The following PCLO variants were observed in gnomAD, a reference collection of about 807,000 sequenced individuals.
PCLO encodes piccolo presynaptic cytomatrix protein.
In PCLO, 82 loss-of-function variants were observed where a neutral mutation model predicts 427.5. The ratio of observed to expected loss-of-function variants is 0.19; its 90% CI spans 0.16 to 0.23. PCLO has a LOEUF of 0.23. Ranked by LOEUF, PCLO falls within the 10% of genes least tolerant of loss-of-function variation. The pLI is 1.00. For synonymous variants in PCLO, 2,357 were observed against 2,155.4 expected, an observed-to-expected ratio of 1.09 and a Z score of -2.59; for missense variants, 6,239 against 6,115.9, an observed-to-expected ratio of 1.02 and a Z score of -0.67.
rs5885327 is a variant in PCLO at position 82,984,408 on chromosome 7, C to CTGTGTGTGTGTGTG, written c.3301-17935_3301-17922dup. On this transcript the variant is annotated intron_variant, in intron 3 of 24. Coordinates refer to ENST00000333891, the MANE Select transcript of PCLO (RefSeq NM_033026.6). ...CCTTAGTTTATTTCAAATGTGGTGT[C>CTGTGTGTGTGTGTG]TGTGTGTGTGTGTGTGTGTGTGTGT... 2.3e-3 allele frequency among the ~76,000 whole-genome samples: 318 copies of CTGTGTGTGTGTGTG among 135,932 alleles called. 2 individuals are homozygous for CTGTGTGTGTGTGTG. The highest frequency in any genetic ancestry group is 8.2e-3 in the African/African-American group (293 of 35,890). The allele number at this position is 135,932 out of a possible 152,430, so 89.2% of individuals were successfully genotyped here. A position where few individuals can be genotyped will look rare whatever the true frequency, so the allele number is the denominator to read the frequency against.
rs10954705 is a variant in PCLO, at chr7:83,099,393, T to G, written c.3300+34857A>C. The stretch of plus-strand genomic sequence containing the variant: ...TTTAACATACAGTAGATTTTTTTGT[T>G]TTTTTTTTTTTTGAGACAGAGTTTT... On this transcript the variant is annotated intron_variant, in intron 3 of 24. Transcript: ENST00000333891. Among the ~76,000 whole-genome samples the G allele has an allele frequency of 8.5e-3, 411 of 48,468 alleles. 3 individuals carry two copies. Among genetic ancestry groups the G allele is most frequent in the African/African-American group, 0.014 (172 of 12,348 alleles). The allele number at this position is 48,468 out of a possible 152,430, so 31.8% of individuals were successfully genotyped here.
intron 10 of PCLO, among the ~76,000 whole-genome samples, chr7:82,870,773 A>C (rs1478170356): frequency 6.6e-6 from 1 of 152,020 alleles, no homozygotes; most frequent in Non-Finnish European, 1.5e-5. Flanking sequence ...TGATTTAAAA[A>C]ATGAGCAAAA....
intron 4 of PCLO, among the ~76,000 whole-genome samples, chr7:82,963,538 T>C (rs1367871351): frequency 3.9e-5 from 6 of 152,086 alleles, no homozygotes; most frequent in Admixed American, 2.0e-4. Flanking sequence ...TAATTATCTT[T>C]TTTTCCTGCT....
intron 9 of PCLO, 22 bp from the exon 10 acceptor site, chr7:82,879,484 T>G (rs1279967855): frequency 2.0e-6 from 3 of 1,530,018 alleles, no homozygotes; most frequent in Admixed American, 3.7e-5. Flanking sequence ...AATTAGCAAA[T>G]TATTAGTACT....
At chr7:83,108,947 T>C (rs2116515551) in intron 3 of PCLO, among the ~76,000 whole-genome samples, 1 of 152,236 alleles carries the variant, frequency 6.6e-6, no homozygotes, top group Middle Eastern at 3.4e-3. Flanking sequence ...TAATTGTGGT[T>C]TTTGACATTG....
chr7:82,968,901 G>A (rs1014173428), intron 3 of PCLO, among the ~76,000 whole-genome samples: 1 of 152,074 alleles, frequency 6.6e-6, no homozygotes, highest in African/African-American at 2.4e-5. Flanking sequence ...TTCTAAAAAC[G>A]AAATACAGGT....
At chr7:83,072,795 C>T (rs1342371425) in intron 3 of PCLO, among the ~76,000 whole-genome samples, 1 of 152,018 alleles carries the variant, frequency 6.6e-6, no homozygotes, top group Non-Finnish European at 1.5e-5. Flanking sequence ...CAAACTTATT[C>T]AAACTAATGA....
intron 6 of PCLO, among the ~76,000 whole-genome samples, chr7:82,931,362 A>C (rs998952811): frequency 6.6e-6 from 1 of 152,168 alleles, no homozygotes; most frequent in African/African-American, 2.4e-5. Flanking sequence ...ATTATCAAAC[A>C]CAGGCTAAGG....
intron 3 of PCLO, among the ~76,000 whole-genome samples, chr7:83,052,409 T>G (rs1210321038): frequency 6.6e-6 from 1 of 152,006 alleles, no homozygotes; most frequent in African/African-American, 2.4e-5. Flanking sequence ...CCCAATACTA[T>G]TTCTACTTCC....
intron 20 of PCLO, among the ~76,000 whole-genome samples, chr7:82,811,767 A>G (rs993237547): frequency 6.6e-6 from 1 of 151,672 alleles, no homozygotes; most frequent in South Asian, 2.1e-4. Context: ...GTTTTCACAC[A>G]CCACCAAATC....
chr7:82,759,575 A>G (rs557872210), intron 24 of PCLO, among the ~76,000 whole-genome samples: 49 of 152,086 alleles, frequency 3.2e-4, no homozygotes, highest in African/African-American at 1.2e-3. Flanking sequence ...GTGAAATAAT[A>G]CATTTGTTGA....
At chr7:83,107,714 T>C (rs184410611) in intron 3 of PCLO, among the ~76,000 whole-genome samples, 77 of 38,026 alleles carry the variant, frequency 2.0e-3, no homozygotes, top group Admixed American at 0.012. Context: ...GAAGAGAATA[T>C]GTGCGGTGGC....
intron 6 of PCLO, among the ~76,000 whole-genome samples, chr7:82,946,321 A>G (rs901491311): frequency 2.0e-5 from 3 of 152,208 alleles, no homozygotes; most frequent in Non-Finnish European, 4.4e-5. Context: ...CATGCCAGGC[A>G]CTAGTCAGGC....
intron 20 of PCLO, among the ~76,000 whole-genome samples, chr7:82,810,373 T>C (rs1308288109): frequency 3.3e-5 from 5 of 151,718 alleles, no homozygotes; most frequent in Admixed American, 3.3e-4. Flanking sequence ...CTTTTCTTAG[T>C]AATAAGATAC....
chr7:82,954,968 A>G lies in PCLO; in HGVS notation c.5985T>C (p.Leu1995=), dbSNP rs766498418. The G allele has an allele frequency of 6.2e-7, 1 of 1,613,796 alleles. No homozygotes were observed. The highest frequency in any genetic ancestry group is 1.7e-5 in the Admixed American group (1 of 60,006). The part of the protein sequence containing the change: ...QQKGREQKIR[L]SEQIYEDPMQ... Reference sequence around the variant, plus strand: ...TAGGATCTTCATAAATCTGTTCTGAAAGTCTTATCTTTTGCTCTCTTCCTT... The same window carrying G: ...TAGGATCTTCATAAATCTGTTCTGAGAGTCTTATCTTTTGCTCTCTTCCTT... The change falls in exon 5 of 25, where the codon CTT becomes CTC. Residue 1995 remains leucine (L), a synonymous_variant. Coordinates refer to ENST00000333891, the MANE Select transcript of PCLO (RefSeq NM_033026.6).
chr7:83,020,052 G>A (rs546456656), intron 3 of PCLO, among the ~76,000 whole-genome samples: 2 of 152,048 alleles, frequency 1.3e-5, no homozygotes, highest in South Asian at 2.1e-4. Context: ...GTAGTTAGCT[G>A]AATTCAAACT....
chr7:82,925,265 T>C (rs1405047508), intron 6 of PCLO, among the ~76,000 whole-genome samples: 1 of 152,106 alleles, frequency 6.6e-6, no homozygotes, highest in African/African-American at 2.4e-5. Context: ...TTTTTTTCTC[T>C]CCAAACAAGA....
chr7:82,933,340 T>C (rs1203317377), intron 6 of PCLO, among the ~76,000 whole-genome samples: 1 of 152,096 alleles, frequency 6.6e-6, no homozygotes, highest in East Asian at 1.9e-4. Context: ...AACCTGAGGT[T>C]TTCCATTTTC....
In PCLO at chr7:82,954,260, A is replaced by G. The variant is rs1301466555; in HGVS notation, c.6693T>C (p.Tyr2231=). The stretch of plus-strand genomic sequence containing the variant: ...GATAGTCTATAATGCTGCCTGGAAA[A>G]TAAGTTGATGAAGAAATTTCCTCAG... The part of the protein sequence containing the change: ...EDSEEISSST[Y]FPGSIIDYPE... The change falls in exon 5 of 25, where the codon TAT becomes TAC. Residue 2231 remains tyrosine (Y), a synonymous_variant. Coordinates refer to ENST00000333891, the MANE Select transcript of PCLO (RefSeq NM_033026.6). 9.3e-6 allele frequency: 15 copies of G among 1,613,736 alleles called. No homozygotes were observed. Among genetic ancestry groups the G allele is most frequent in the Non-Finnish European group, 1.3e-5 (15 of 1,179,756 alleles).
Sources: gnomAD v4.1 joint callset for allele counts (sites outside exome capture counted in the v4.1 genomes callset) on GRCh38, gnomAD v4.1.1 for gene constraint, MANE v1.5 for transcripts, NCBI Gene and HGNC (gene_info 2026-07-23, HGNC 2026-07-21) for gene names.